CADPS2: variants seen among roughly 807,000 people sequenced by gnomAD.
The protein encoded by CADPS2 is calcium dependent secretion activator 2.
A neutral mutation model predicts 172.5 loss-of-function variants in CADPS2; 93 were observed. That is an observed-to-expected ratio of 0.54 (90% CI 0.46 to 0.64). The LOEUF (loss-of-function observed/expected upper bound fraction) is 0.64, where lower values mean the gene tolerates loss of function less well. CADPS2 is among the 30% of genes least tolerant of loss of function. The probability of loss-of-function intolerance (pLI) is 0.00; values close to 1 mark genes in which losing one functional copy is unlikely to be tolerated. For missense variants in CADPS2, 1,420 were observed against 1,565.9 expected (o/e 0.91, Z 1.57); for synonymous variants, 546 against 555.2 (o/e 0.98, Z 0.23).
intron 14 of CADPS2, 94 bp from the exon 15 acceptor site, chr7:122,451,569 T>A (rs2053118842): frequency 1.5e-6 from 1 of 652,994 alleles, no homozygotes; most frequent in Non-Finnish European, 2.5e-6. Flanking sequence ...CAAGGAAAAG[T>A]TCACTGTATA....
At chr7:122,498,246 C>G (rs1360344447) in intron 9 of CADPS2, among the ~76,000 whole-genome samples, 1 of 152,148 alleles carries the variant, frequency 6.6e-6, no homozygotes, top group Non-Finnish European at 1.5e-5. Context: ...CCATACTCAG[C>G]CTATTTGCCT....
At chr7:122,360,465 G>C (rs913118958) in intron 27 of CADPS2, among the ~76,000 whole-genome samples, 1 of 152,078 alleles carries the variant, frequency 6.6e-6, no homozygotes, top group Non-Finnish European at 1.5e-5. Context: ...CATAGAAAGG[G>C]GAGGAAAAGC....
intron 7 of CADPS2, among the ~76,000 whole-genome samples, chr7:122,569,252 G>C (rs1476513994): frequency 1.3e-5 from 2 of 152,024 alleles, no homozygotes; most frequent in Admixed American, 1.3e-4. Context: ...CAAACAGAGA[G>C]CCAAATCATG....
chr7:122,616,905 A>C lies in CADPS2; in HGVS notation c.1105-1606T>G, dbSNP rs532486940. Among the ~76,000 whole-genome samples, 5 of 152,352 alleles carry C rather than the reference A, an allele frequency of 3.3e-5. No homozygotes were observed. The East Asian group carries it at 9.6e-4, about 29-fold the overall frequency. ...ACCATATTAATTAAAAGGCAACTAC[A>C]CTTGGACTTACCACCATTTCTCTAA... On this transcript the variant is annotated intron_variant, in intron 5 of 29. Coordinates refer to ENST00000449022, the MANE Select transcript of CADPS2 (RefSeq NM_017954.11).
At chr7:122,646,590 A>G (rs964288304) in intron 3 of CADPS2, among the ~76,000 whole-genome samples, 8 of 152,290 alleles carry the variant, frequency 5.3e-5, no homozygotes, top group Admixed American at 5.2e-4. Flanking sequence ...GTGAACTAGG[A>G]ACAGCGAGTA....
intron 1 of CADPS2, among the ~76,000 whole-genome samples, chr7:122,837,502 A>T (rs569391803): frequency 6.6e-6 from 1 of 152,346 alleles, no homozygotes; most frequent in South Asian, 2.1e-4. Flanking sequence ...TGGTTTTTTG[A>T]AGAGATCAAC....
At chr7:122,745,429 T>A (rs1348569800) in intron 1 of CADPS2, among the ~76,000 whole-genome samples, 1 of 151,948 alleles carries the variant, frequency 6.6e-6, no homozygotes, top group African/African-American at 2.4e-5. Flanking sequence ...CCAAAGCCTA[T>A]ATTCTTTCCG....
chr7:122,356,190 T>G, intron 27 of CADPS2, among the ~76,000 whole-genome samples: 1 of 152,232 alleles, frequency 6.6e-6, no homozygotes, highest in East Asian at 1.9e-4. Flanking sequence ...TTTGGTCTCC[T>G]TGGACTCCTC....
rs146313340 is a variant in CADPS2 at position 122,765,437 on chromosome 7, A to C, written c.340-28369T>G. Among the ~76,000 whole-genome samples, 10 of 152,306 alleles carry C rather than the reference A, an allele frequency of 6.6e-5. No individual in the cohort carries two copies. The East Asian group carries it at 1.9e-3, about 29-fold the overall frequency. On this transcript the variant is annotated intron_variant, in intron 1 of 29. Transcript: ENST00000449022. Reference sequence around the variant, plus strand: ...GTAGAAATCTAAATAAAAATTAATGAGTACATGGATAAATGACTGAGCAGT... The same window carrying C: ...GTAGAAATCTAAATAAAAATTAATGCGTACATGGATAAATGACTGAGCAGT...
At chr7:122,395,406 A>G (rs974146041) in intron 20 of CADPS2, 2 of 152,320 alleles carry the variant, frequency 1.3e-5, no homozygotes, top group Admixed American at 6.5e-5. Flanking sequence ...GTGAACAATA[A>G]TCATATTTAA....
chr7:122,324,564 T>C (rs28547519), intron 29 of CADPS2, among the ~76,000 whole-genome samples: 54,909 of 151,890 alleles, frequency 0.36, 10,137 homozygotes, highest in East Asian at 0.47. Flanking sequence ...GTGATGATGA[T>C]AGTGGTAGGT....
At chr7:122,662,975 G>T (rs928462153) in intron 3 of CADPS2, among the ~76,000 whole-genome samples, 1 of 152,022 alleles carries the variant, frequency 6.6e-6, no homozygotes, top group Non-Finnish European at 1.5e-5. Context: ...TACCTAATAG[G>T]CACAAATCTA....
At chr7:122,407,164 T>A (rs978850516) in intron 20 of CADPS2, among the ~76,000 whole-genome samples, 1 of 152,204 alleles carries the variant, frequency 6.6e-6, no homozygotes, top group Non-Finnish European at 1.5e-5. Flanking sequence ...TAACATAACA[T>A]GATTTCTACA....
chr7:122,581,528 A>C (rs1049919794), intron 6 of CADPS2, among the ~76,000 whole-genome samples: 4 of 152,152 alleles, frequency 2.6e-5, no homozygotes, highest in Non-Finnish European at 5.9e-5. Flanking sequence ...AAAAAATTGC[A>C]TGTTATGAGA....
At chr7:122,623,601 T>C (rs1160359015) in intron 4 of CADPS2, among the ~76,000 whole-genome samples, 1 of 152,224 alleles carries the variant, frequency 6.6e-6, no homozygotes, top group African/African-American at 2.4e-5. Context: ...AGTTTAAATC[T>C]GTATTAGAAA....
chr7:122,640,292 T>C (rs995923749), intron 3 of CADPS2, among the ~76,000 whole-genome samples: 3 of 152,156 alleles, frequency 2.0e-5, no homozygotes, highest in Non-Finnish European at 2.9e-5. Flanking sequence ...TCCCTTTCCC[T>C]CTTCTGCACC....
intron 6 of CADPS2, among the ~76,000 whole-genome samples, chr7:122,603,479 G>A (rs891194898): frequency 6.7e-6 from 1 of 148,318 alleles, no homozygotes; most frequent in Non-Finnish European, 1.5e-5. Flanking sequence ...AACACTCAAA[G>A]CAAAGGCTAA....
chr7:122,636,709 G>A lies in CADPS2; in HGVS notation c.787-7381C>T, dbSNP rs139993330. Among the ~76,000 whole-genome samples the A allele has an allele frequency of 6.2e-4, 94 of 152,132 alleles. 1 individual carries two copies. The East Asian group carries it at 8.7e-3, about 14-fold the overall frequency. On this transcript the variant is annotated intron_variant, in intron 3 of 29. Coordinates refer to ENST00000449022, the MANE Select transcript of CADPS2 (RefSeq NM_017954.11). ...TCGAACTCCTGACCTGATGTGATCC[G>A]CCTGCCTCGGTATCCCAAAGTGCAT...
In CADPS2 at chr7:122,484,783, G is replaced by A. The variant is rs1372436322; in HGVS notation, c.1853-3923C>T. Among the ~76,000 whole-genome samples the A allele has an allele frequency of 5.3e-5, 8 of 151,916 alleles. No individual in the cohort carries two copies. In the East Asian group the frequency reaches 1.5e-3, roughly 29 times the overall value. On this transcript the variant is annotated intron_variant, in intron 11 of 29. Coordinates refer to ENST00000449022, the MANE Select transcript of CADPS2 (RefSeq NM_017954.11). The stretch of plus-strand genomic sequence containing the variant: ...ACATCTTGTATCCAGAACACACAGG[G>A]AAACTTCATTTTATTGTGCTTTGCA...
Sources: gnomAD v4.1 joint callset for allele counts (sites outside exome capture counted in the v4.1 genomes callset) on GRCh38, gnomAD v4.1.1 for gene constraint, MANE v1.5 for transcripts, NCBI Gene and HGNC (gene_info 2026-07-23, HGNC 2026-07-21) for gene names.